Variants in CUBN observed in about 807,000 individuals in gnomAD.
The protein encoded by CUBN is 460 kDa receptor.
Under a neutral mutation model 405.3 loss-of-function variants are expected in CUBN, and 282 were observed. The ratio of observed to expected loss-of-function variants is 0.70; its 90% confidence interval spans 0.63 to 0.77. CUBN has a LOEUF of 0.77. Among genes scored for constraint, CUBN ranks in the 30% least tolerant of loss-of-function variants. The pLI is 0.00. For missense variants in CUBN, 4,514 were observed against 4,475.2 expected, an observed-to-expected ratio of 1.01 and a Z score of -0.25; for synonymous variants, 1,684 against 1,617.0, an observed-to-expected ratio of 1.04 and a Z score of -0.99.
intron 22 of CUBN, among the ~76,000 whole-genome samples, chr10:17,052,759 C>CAAAAAA (rs10574636): frequency 7.3e-5 from 4 of 55,114 alleles, no homozygotes; most frequent in East Asian, 5.6e-4. Context: ...GACTCAGTCT[C>CAAAAAA]AAAAAAAAAA....
In CUBN at chr10:17,071,929, C is replaced by T. The variant is rs1835749103; in HGVS notation, c.2344G>A (p.Gly782Arg). ...ETLLGKVCGN[G>R]TISHIKSITN... The stretch of plus-strand genomic sequence containing the variant: ...ATGGATTTAATGTGAGAGATGGTTC[C>T]GTTGCCACAGACTTTTCCAAGTAAG... The change falls in exon 18 of 67, where the codon GGA (glycine) becomes AGA (arginine). Residue 782 changes from glycine to arginine, a missense_variant. Around this residue, in one of 5 missense-constraint regions of CUBN, gnomAD observed 1,448 missense variants for 1,388.0 expected, o/e 1.04. Coordinates refer to ENST00000377833, the MANE Select transcript of CUBN (RefSeq NM_001081.4). The T allele has an allele frequency of 5.0e-6, 8 of 1,613,016 alleles. No homozygotes were observed. The highest frequency in any genetic ancestry group is 4.5e-5 in the East Asian group (2 of 44,824).
At chr10:16,952,960 G>A (rs1054426946) in intron 32 of CUBN, among the ~76,000 whole-genome samples, 3 of 152,174 alleles carry the variant, frequency 2.0e-5, no homozygotes, top group Non-Finnish European at 4.4e-5. Flanking sequence ...CAGACACAGA[G>A]GAGCATCTAT....
At chr10:16,970,444 C>T (rs1843518928) in intron 31 of CUBN, among the ~76,000 whole-genome samples, 1 of 152,106 alleles carries the variant, frequency 6.6e-6, no homozygotes, top group Non-Finnish European at 1.5e-5. Flanking sequence ...GGCATGGTGG[C>T]ACATGCCTGT....
chr10:17,063,758 C>G (rs12221322), intron 22 of CUBN, among the ~76,000 whole-genome samples: 207 of 152,272 alleles, frequency 1.4e-3, no homozygotes, highest in Middle Eastern at 3.4e-3. Flanking sequence ...TTTCAGGAGG[C>G]CCTGCCTGTA....
Position 16,916,017 on chromosome 10 carries a change from T to TC in CUBN, c.7013dup (p.Arg2339LysfsTer10). ...CAACACCACTTTGCCCTGGTACTCT[T>TC]CCCCCACACTGAGCTGCAAAAAATA... On this transcript the variant is annotated frameshift_variant, in exon 46 of 67. Transcript: ENST00000377833. LOFTEE classifies it high-confidence loss of function. 6.2e-7 allele frequency: 1 copy of TC among 1,613,632 alleles called. No homozygotes were observed. The highest frequency in any genetic ancestry group is 8.5e-7 in the Non-Finnish European group (1 of 1,179,844).
At position 16,891,621 on chromosome 10, in the gene CUBN, G is replaced by A. The variant is rs116830588; in HGVS notation, c.8599-1094C>T. 3.6e-3 allele frequency among the ~76,000 whole-genome samples: 548 copies of A among 152,262 alleles called. 4 individuals carry two copies. Among genetic ancestry groups the A allele is most frequent in the African/African-American group, 0.013 (525 of 41,530 alleles). On this transcript the variant is annotated intron_variant, in intron 54 of 66. Coordinates refer to ENST00000377833, the MANE Select transcript of CUBN (RefSeq NM_001081.4). ...GCCGGAAAACAGTCAGGTAGGTTTT[G>A]CCCTAGTTCAGGTGAGAGATCATGG...
intron 32 of CUBN, among the ~76,000 whole-genome samples, chr10:16,952,801 T>C (rs908489069): frequency 7.9e-5 from 12 of 152,220 alleles, no homozygotes; most frequent in African/African-American, 1.2e-4. Flanking sequence ...TGTAGATTAC[T>C]AGAGAAGAGC....
chr10:16,878,853 T>TA (rs1477868767), intron 56 of CUBN, among the ~76,000 whole-genome samples: 2 of 152,242 alleles, frequency 1.3e-5, no homozygotes, highest in East Asian at 3.8e-4. Context: ...TCACTTAATA[T>TA]AATGTTTTTG....
intron 28 of CUBN, among the ~76,000 whole-genome samples, chr10:17,017,755 A>G (rs1834373019): frequency 6.6e-6 from 1 of 152,122 alleles, no homozygotes; most frequent in Admixed American, 6.5e-5. Flanking sequence ...AGAGTCCTGG[A>G]GTTTATATTA....
rs776809291 is a variant in CUBN, at chr10:17,071,504, G to T, written c.2547C>A (p.Pro849=). The T allele has an allele frequency of 6.2e-6, 10 of 1,613,934 alleles. No homozygotes were observed. The highest frequency in any genetic ancestry group is 7.6e-6 in the Non-Finnish European group (9 of 1,179,940). ...AGTTGAGGAGAATGACTTGGCTTTG[G>T]GGCTGGTGGATGGTCCACCTACAGG... The part of the protein sequence containing the change: ...ERTCRWTIHQ[P]QSQVILLNFT... The change falls in exon 19 of 67, where the codon CCC becomes CCA. Residue 849 remains proline, a synonymous_variant. Coordinates refer to ENST00000377833, the MANE Select transcript of CUBN (RefSeq NM_001081.4).
chr10:16,917,354 A>G (rs1275400606), intron 45 of CUBN, among the ~76,000 whole-genome samples: 2 of 152,276 alleles, frequency 1.3e-5, no homozygotes, highest in East Asian at 3.9e-4. Context: ...CCCTATACAG[A>G]CATATAGACT....
chr10:17,122,394 T>C (rs1837062969), intron 6 of CUBN: 1 of 312,238 alleles, frequency 3.2e-6, no homozygotes, highest in Admixed American at 4.8e-5. Flanking sequence ...TGCTAATACA[T>C]GGAAAGAGTA....
chr10:16,872,783 C>A (rs1243548222), intron 58 of CUBN, among the ~76,000 whole-genome samples: 2 of 152,208 alleles, frequency 1.3e-5, no homozygotes, highest in Non-Finnish European at 2.9e-5. Flanking sequence ...AATGGCTCCC[C>A]CTTACACTTT....
chr10:17,053,814 A>G (rs1564496383), intron 22 of CUBN, among the ~76,000 whole-genome samples: 1 of 152,170 alleles, frequency 6.6e-6, no homozygotes, highest in African/African-American at 2.4e-5. Context: ...GACCACATGC[A>G]GGGCTGTAAC....
At chr10:16,928,353 T>C (rs1842258332) in intron 40 of CUBN, 50 bp from the exon 41 acceptor site, 1 of 1,598,444 alleles carries the variant, frequency 6.3e-7, no homozygotes, top group African/African-American at 1.3e-5. Flanking sequence ...GAGAATCTAC[T>C]CTACAATCAT....
At chr10:16,853,702 G>A (rs981807020) in intron 59 of CUBN, among the ~76,000 whole-genome samples, 3 of 152,172 alleles carry the variant, frequency 2.0e-5, no homozygotes, top group African/African-American at 4.8e-5. Flanking sequence ...TAAGCAATAC[G>A]CAGTGCTTCA....
chr10:17,088,109 G>A, intron 15 of CUBN, 55 bp downstream of exon 15: 1 of 1,424,512 alleles, frequency 7.0e-7, no homozygotes, highest in Non-Finnish European at 9.9e-7. Context: ...CTAGACCATA[G>A]TGCCCTGAGT....
At chr10:17,109,757 T>C (rs766933822) in intron 9 of CUBN, 22 bp from the exon 10 acceptor site, 3 of 1,586,982 alleles carry the variant, frequency 1.9e-6, no homozygotes, top group Non-Finnish European at 2.6e-6. Flanking sequence ...AAGAGCCAGG[T>C]CATAAGAAAC....
intron 58 of CUBN, among the ~76,000 whole-genome samples, chr10:16,873,758 A>G (rs960261327): frequency 6.6e-6 from 1 of 151,636 alleles, no homozygotes; most frequent in African/African-American, 2.4e-5. Context: ...AAGAAAATGT[A>G]TACTTTGAGA....
Sources: allele counts gnomAD v4.1 joint callset (sites outside exome capture counted in the v4.1 genomes callset), GRCh38; gene constraint gnomAD v4.1.1; regional missense constraint gnomAD v4.1.1; transcripts MANE v1.5; gene names NCBI Gene and HGNC (gene_info 2026-07-23, HGNC 2026-07-21).